Variants in PCDHA13 observed in about 807,000 individuals in gnomAD.
The protein encoded by PCDHA13 is protocadherin alpha-13.
In PCDHA13, 54 loss-of-function variants were observed where a neutral mutation model predicts 64.8. The ratio of observed to expected loss-of-function variants is 0.83; its 90% CI spans 0.67 to 1.04. PCDHA13 has a LOEUF of 1.04. PCDHA13 is among the 50% of genes least tolerant of loss of function. The pLI is 0.00. For missense variants in PCDHA13, 1,248 were observed against 1,254.3 expected (o/e 0.99, Z 0.08); for synonymous variants, 587 against 564.4 (o/e 1.04, Z -0.57).
intron 1 of PCDHA13, chr5:140,968,844 G>A: frequency 1.2e-6 from 2 of 1,614,210 alleles, no homozygotes; most frequent in African/African-American, 1.3e-5. Context: ...GACACTCAGA[G>A]GCATGTTAAG....
intron 3 of PCDHA13, among the ~76,000 whole-genome samples, chr5:140,987,234 A>G (rs2097240958): frequency 6.6e-6 from 1 of 151,980 alleles, no homozygotes; most frequent in Non-Finnish European, 1.5e-5. Context: ...AAAATAATAA[A>G]TAAAGAAAGA....
At chr5:140,922,255 A>C (rs1415394722) in intron 1 of PCDHA13, among the ~76,000 whole-genome samples, 2 of 152,256 alleles carry the variant, frequency 1.3e-5, no homozygotes, top group Non-Finnish European at 2.9e-5. Flanking sequence ...ATAAGTTACT[A>C]AGTGCCATGA....
chr5:140,887,045 T>C (rs2061271952), intron 1 of PCDHA13, among the ~76,000 whole-genome samples: 1 of 152,108 alleles, frequency 6.6e-6, no homozygotes, highest in Non-Finnish European at 1.5e-5. Context: ...TTTTTTATAG[T>C]GCATATGTTC....
intron 1 of PCDHA13, among the ~76,000 whole-genome samples, chr5:140,890,656 A>C (rs181998048): frequency 1.3e-5 from 2 of 152,300 alleles, no homozygotes; most frequent in Admixed American, 6.5e-5. Context: ...CAAAATCAAA[A>C]GTTAACTGAA....
intron 1 of PCDHA13, chr5:140,967,201 A>T: frequency 6.2e-7 from 1 of 1,613,620 alleles, no homozygotes; most frequent in Non-Finnish European, 8.5e-7. Flanking sequence ...ACGACAACTC[A>T]CCGCGTTTCC....
chr5:140,978,898 G>A (rs2096827765), intron 1 of PCDHA13, 51 bp from the exon 2 acceptor site: 1 of 1,612,868 alleles, frequency 6.2e-7, no homozygotes. Flanking sequence ...GCATTCCTGG[G>A]AGAACATTGT....
rs571391051 is a variant in PCDHA13 at position 140,964,645 on chromosome 5, A to G, written c.2395-14304A>G. Among the ~76,000 whole-genome samples the G allele has an allele frequency of 4.6e-5, 7 of 152,152 alleles. No individual in the cohort carries two copies. The East Asian group carries it at 7.7e-4, about 17-fold the overall frequency. ...TATAAGCCATTTATTTTCAGAAACA[A>G]GTAATGGGTGAGGACACAGGCCAGG... is the stretch of plus-strand genomic sequence containing the variant. On this transcript the variant is annotated intron_variant, in intron 1 of 3. Coordinates refer to ENST00000289272, the MANE Select transcript of PCDHA13 (RefSeq NM_018904.3).
chr5:140,908,763 G>A (rs1159029668), intron 1 of PCDHA13, among the ~76,000 whole-genome samples: 5 of 152,284 alleles, frequency 3.3e-5, no homozygotes, highest in East Asian at 3.9e-4. Context: ...CAGCCTGGAC[G>A]TGTTGTAGAG....
chr5:140,934,511 T>A (rs999288213), intron 1 of PCDHA13, among the ~76,000 whole-genome samples: 1 of 152,210 alleles, frequency 6.6e-6, no homozygotes, highest in African/African-American at 2.4e-5. Context: ...AAAGGGTCCA[T>A]AGACCACACT....
At chr5:141,001,097 T>TC (rs1554257999) in intron 3 of PCDHA13, among the ~76,000 whole-genome samples, 1 of 152,114 alleles carries the variant, frequency 6.6e-6, no homozygotes, top group Non-Finnish European at 1.5e-5. Flanking sequence ...AACTGTCTAA[T>TC]CCATAATAAG....
chr5:140,920,955 C>A (rs2079947807), intron 1 of PCDHA13, among the ~76,000 whole-genome samples: 1 of 151,668 alleles, frequency 6.6e-6, no homozygotes, highest in Admixed American at 6.6e-5. Context: ...AAACACTACA[C>A]ATGTAGTACT....
At position 140,897,557 on chromosome 5, in the gene PCDHA13, A is replaced by G. The variant is rs2066188249; in HGVS notation, c.2394+12895A>G. Reference sequence around the variant, plus strand: ...GGCTGCATAGTCTTCCATGGTGTATATGTGCCACATTTTCTTAATCCAGTC... The same window carrying G: ...GGCTGCATAGTCTTCCATGGTGTATGTGTGCCACATTTTCTTAATCCAGTC... On this transcript the variant is annotated intron_variant, in intron 1 of 3. Coordinates refer to ENST00000289272, the MANE Select transcript of PCDHA13 (RefSeq NM_018904.3). Among the ~76,000 whole-genome samples, 4 of 151,994 alleles carry G rather than the reference A, an allele frequency of 2.6e-5. No individual in the cohort carries two copies. The South Asian group carries it at 8.3e-4, about 32-fold the overall frequency.
At chr5:140,961,313 G>A (rs2095603813) in intron 1 of PCDHA13, among the ~76,000 whole-genome samples, 1 of 152,118 alleles carries the variant, frequency 6.6e-6, no homozygotes, top group Admixed American at 6.5e-5. Flanking sequence ...TGATTTACCA[G>A]GCTCTGTTTC....
Position 140,885,566 on chromosome 5 carries a change from G to A in PCDHA13, c.2394+904G>A, listed in dbSNP as rs190303990. On this transcript the variant is annotated intron_variant, in intron 1 of 3. Transcript: ENST00000289272. The stretch of plus-strand genomic sequence containing the variant: ...TGGTGTTATTTCTACGAAATTGATT[G>A]TCAGATGTGGAATTGATGCATCAAA... Among the ~76,000 whole-genome samples, 467 of 152,160 alleles carry A rather than the reference G, an allele frequency of 3.1e-3. 3 individuals carry two copies. The highest frequency in any genetic ancestry group is 0.014 in the Middle Eastern group (4 of 294).
intron 1 of PCDHA13, among the ~76,000 whole-genome samples, chr5:140,961,483 G>A (rs1365864551): frequency 6.6e-6 from 1 of 152,090 alleles, no homozygotes; most frequent in Non-Finnish European, 1.5e-5. Context: ...TCTTGTCCAC[G>A]TGAGTATATT....
At chr5:140,964,213 A>G (rs1338010666) in intron 1 of PCDHA13, among the ~76,000 whole-genome samples, 10 of 152,210 alleles carry the variant, frequency 6.6e-5, no homozygotes, top group African/African-American at 1.9e-4. Flanking sequence ...CTTTAGTACA[A>G]TGTCTTTCAA....
At chr5:140,952,970 T>C (rs2094826762) in intron 1 of PCDHA13, among the ~76,000 whole-genome samples, 1 of 152,000 alleles carries the variant, frequency 6.6e-6, no homozygotes, top group Non-Finnish European at 1.5e-5. Context: ...TACACACTTT[T>C]AAACAACAAG....
intron 3 of PCDHA13, among the ~76,000 whole-genome samples, chr5:140,996,637 G>A (rs2097735642): frequency 6.6e-6 from 1 of 152,190 alleles, no homozygotes; most frequent in Admixed American, 6.5e-5. Flanking sequence ...TGCAAATTAT[G>A]TAGTTAATCC....
intron 1 of PCDHA13, among the ~76,000 whole-genome samples, chr5:140,972,533 T>C (rs2096540643): frequency 6.6e-6 from 1 of 152,134 alleles, no homozygotes; most frequent in African/African-American, 2.4e-5. Flanking sequence ...ATTTCATAAA[T>C]CACTTGTGCA....
Sources: allele counts gnomAD v4.1 joint callset (sites outside exome capture counted in the v4.1 genomes callset), GRCh38; gene constraint gnomAD v4.1.1; transcripts MANE v1.5; gene names NCBI Gene and HGNC (gene_info 2026-07-23, HGNC 2026-07-21).